Variants in WASHC5 observed in about 807,000 individuals in gnomAD.
WASHC5 encodes the protein WASH complex subunit 5.
A neutral mutation model predicts 150.4 loss-of-function variants in WASHC5; 101 were observed. The observed-to-expected ratio is 0.67, with a 90% CI of 0.57 to 0.79. The LOEUF (loss-of-function observed/expected upper bound fraction) is 0.79. Among genes scored for constraint, WASHC5 ranks in the 30% least tolerant of loss-of-function variants. The pLI is 0.00. For missense variants in WASHC5, 1,195 were observed against 1,396.3 expected, an observed-to-expected ratio of 0.86 and a Z score of 2.30; for synonymous variants, 467 against 491.2, an observed-to-expected ratio of 0.95 and a Z score of 0.65.
intron 28 of WASHC5, among the ~76,000 whole-genome samples, chr8:125,028,147 G>A (rs1815423303): frequency 6.6e-6 from 1 of 152,220 alleles, no homozygotes; most frequent in Non-Finnish European, 1.5e-5. Flanking sequence ...AATTACTAAT[G>A]AGAAAGGGAT....
In WASHC5 at chr8:125,043,909, A is replaced by G; in HGVS notation, c.2771-5T>C. 6.2e-7 allele frequency: 1 copy of G among 1,611,174 alleles called. No individual in the cohort carries two copies. The highest frequency in any genetic ancestry group is 8.5e-7 in the Non-Finnish European group (1 of 1,177,326). Reference sequence around the variant, plus strand: ...AATAAATTTTATTTGAATTTGCTGAAAAGTTAAAACATAATTTTCTCTTTA... The same window carrying G: ...AATAAATTTTATTTGAATTTGCTGAGAAGTTAAAACATAATTTTCTCTTTA... On this transcript the variant is annotated splice_polypyrimidine_tract_variant and splice_region_variant and intron_variant, in intron 22 of 28. Transcript: ENST00000318410.
chr8:125,073,868 C>T (rs1290509347), intron 8 of WASHC5, among the ~76,000 whole-genome samples: 1 of 152,154 alleles, frequency 6.6e-6, no homozygotes, highest in Non-Finnish European at 1.5e-5. Flanking sequence ...GGTGGTTCCT[C>T]AGAACTCTTC....
intron 27 of WASHC5, among the ~76,000 whole-genome samples, chr8:125,029,812 CT>C (rs1815476117): frequency 6.6e-6 from 1 of 152,176 alleles, no homozygotes; most frequent in South Asian, 2.1e-4. Flanking sequence ...TAACAAATAA[CT>C]TTTAGTACTA....
intron 10 of WASHC5, 94 bp downstream of exon 10, chr8:125,067,496 CAG>C: frequency 9.6e-7 from 1 of 1,046,072 alleles, no homozygotes; most frequent in Admixed American, 1.9e-5. Context: ...TACCTTGAAT[CAG>C]AGACAGAGCA....
At chr8:125,078,232 C>A (rs1817121589) in intron 6 of WASHC5, among the ~76,000 whole-genome samples, 2 of 152,172 alleles carry the variant, frequency 1.3e-5, no homozygotes, top group African/African-American at 4.8e-5. Context: ...CTTGCTCAGG[C>A]TGCCTCCTTT....
intron 7 of WASHC5, 138 bp downstream of exon 7, chr8:125,076,210 A>G (rs1817055045): frequency 1.3e-6 from 1 of 766,448 alleles, no homozygotes; most frequent in African/African-American, 1.7e-5. Context: ...AATTCTCAAT[A>G]CAGTTAGAGC....
chr8:125,063,524 T>A lies in WASHC5; in HGVS notation c.1406A>T (p.Asn469Ile), dbSNP rs1313787976. The A allele has an allele frequency of 5.0e-6, 8 of 1,613,304 alleles. No individual in the cohort carries two copies. Among genetic ancestry groups the A allele is most frequent in the Non-Finnish European group, 5.9e-6 (7 of 1,179,382 alleles). Residue 469 changes from asparagine (N) to isoleucine (I), a missense_variant and splice_region_variant, in exon 11 of 29, where the codon AAT becomes ATT. By Grantham distance (149) the Asn-to-Ile change is moderately radical (BLOSUM62 -3). Around this residue, in one of 3 missense-constraint regions of WASHC5, gnomAD observed 997 missense variants for 1,168.1 expected, o/e 0.85. Transcript: ENST00000318410. The stretch of plus-strand genomic sequence containing the variant: ...AGTATTTCCTCTTCAGTAATTACCA[T>A]TTTTCTCCACTCTGGTTAGGGGTTT... ...GVKPLTRVEK[N>I]ENLQAWFREI...
At chr8:125,078,976 T>C (rs1817151267) in intron 5 of WASHC5, 46 bp from the exon 6 acceptor site, 1 of 1,516,452 alleles carries the variant, frequency 6.6e-7, no homozygotes, top group Non-Finnish European at 9.2e-7. Flanking sequence ...AACACACATA[T>C]TAGAAACTGA....
At chr8:125,069,055 A>G (rs1374462656) in intron 9 of WASHC5, among the ~76,000 whole-genome samples, 1 of 152,234 alleles carries the variant, frequency 6.6e-6, no homozygotes, top group African/African-American at 2.4e-5. Flanking sequence ...CATGTTAGAC[A>G]CTTGGTTGCC....
intron 19 of WASHC5, among the ~76,000 whole-genome samples, chr8:125,047,830 G>GT (rs1221606225): frequency 6.6e-6 from 1 of 151,920 alleles, no homozygotes; most frequent in Admixed American, 6.6e-5. Context: ...GATTACAGGT[G>GT]TGAGTCACTG....
chr8:125,083,796 ACTCAGAGAGT>A lies in WASHC5; in HGVS notation c.93_102del (p.Arg31SerfsTer9), dbSNP rs1248382989. 5.0e-6 allele frequency: 8 copies of A among 1,613,812 alleles called. No individual in the cohort carries two copies. The Admixed American group carries it at 1.3e-4, about 27-fold the overall frequency. ...TTTAACCTGAACACAGCAGGAATAA[ACTCAGAGAGT>A]CTCAAAAGTTCAGCAATGATGGCAT... On this transcript the variant is annotated frameshift_variant, in exon 2 of 29. Transcript: ENST00000318410. LOFTEE classifies it high-confidence loss of function.
intron 18 of WASHC5, 65 bp downstream of exon 18, chr8:125,050,499 G>T: frequency 9.2e-7 from 1 of 1,091,914 alleles, no homozygotes; most frequent in Non-Finnish European, 1.4e-6. Context: ...GGTTAAAAAT[G>T]GCATTCTAGT....
chr8:125,024,277 C>A lies in WASHC5; in HGVS notation c.*340G>T, dbSNP rs932463563. Reference sequence around the variant, plus strand: ...GAGACGACTTTGGGTACTAGTAATACTATTTTACTGAAAATCTGGAGTTGC... The same window carrying A: ...GAGACGACTTTGGGTACTAGTAATAATATTTTACTGAAAATCTGGAGTTGC... On this transcript the variant is annotated 3_prime_UTR_variant, in exon 29 of 29. Coordinates refer to ENST00000318410, the MANE Select transcript of WASHC5 (RefSeq NM_014846.4). 3 of 348,142 alleles carry A rather than the reference C, an allele frequency of 8.6e-6. No homozygotes were observed. The highest frequency in any genetic ancestry group is 6.6e-5 in the East Asian group (1 of 15,072). 21.6% of individuals were successfully genotyped at this position (348,142 alleles called of 1,614,324 possible). A position where few individuals can be genotyped will look rare whatever the true frequency, so the allele number is the denominator to read the frequency against.
intron 10 of WASHC5, among the ~76,000 whole-genome samples, chr8:125,066,878 G>A (rs1029980081): frequency 1.3e-5 from 2 of 152,162 alleles, no homozygotes; most frequent in African/African-American, 4.8e-5. Flanking sequence ...CCCTTCCCCA[G>A]GCCCCTTCAG....
chr8:125,076,242 T>C lies in WASHC5; in HGVS notation c.864+106A>G, dbSNP rs1044626319. On this transcript the variant is annotated intron_variant, in intron 7 of 28. Coordinates refer to ENST00000318410, the MANE Select transcript of WASHC5 (RefSeq NM_014846.4). ...GAGCAAGTTTACCTAAGTGATGTTATGTCCCATTATTTACAACATTACAAC... is the reference window on the plus strand; with the variant it reads ...GAGCAAGTTTACCTAAGTGATGTTACGTCCCATTATTTACAACATTACAAC... 101 of 998,664 alleles carry C rather than the reference T, an allele frequency of 1.0e-4. No individual in the cohort carries two copies. In the African/African-American group the frequency reaches 1.5e-3, roughly 15 times the overall value. The allele number at this position is 998,664 out of a possible 1,614,324, so 61.9% of individuals were successfully genotyped here.
rs370833838 is a variant in WASHC5, at chr8:125,037,874, G to A, written c.3085-541C>T. Among the ~76,000 whole-genome samples, 10 of 152,292 alleles carry A rather than the reference G, an allele frequency of 6.6e-5. No individual in the cohort carries two copies. In the East Asian group the frequency reaches 1.9e-3, roughly 30 times the overall value. On this transcript the variant is annotated intron_variant, in intron 25 of 28. Coordinates refer to ENST00000318410, the MANE Select transcript of WASHC5 (RefSeq NM_014846.4). Reference sequence around the variant, plus strand: ...CACAGAGCAGTCTCCCAGATGTCACGGCAGAAACTACAGTCAGGGCGTACA... The same window carrying A: ...CACAGAGCAGTCTCCCAGATGTCACAGCAGAAACTACAGTCAGGGCGTACA...
At chr8:125,046,794 G>C (rs1816080877) in intron 20 of WASHC5, among the ~76,000 whole-genome samples, 2 of 152,058 alleles carry the variant, frequency 1.3e-5, no homozygotes, top group African/African-American at 4.8e-5. Flanking sequence ...GGGGGGCGGG[G>C]GAGAGATTAG....
chr8:125,049,043 T>C lies in WASHC5; in HGVS notation c.2342A>G (p.Asn781Ser). Residue 781 changes from asparagine (N) to serine (S), a missense_variant, in exon 19 of 29, where the codon AAC (asparagine) becomes AGC (serine). Coordinates refer to ENST00000318410, the MANE Select transcript of WASHC5 (RefSeq NM_014846.4). ...AAAGTTATTACACTCTTGCTCCACG[T>C]TGTAATTTATGATACGAGATACTTC... Reference protein sequence around the residue: ...QEEVSRIINYNVEQECNNFLR... With the variant: ...QEEVSRIINYSVEQECNNFLR... The C allele has an allele frequency of 6.2e-7, 1 of 1,613,692 alleles. No individual in the cohort carries two copies. The highest frequency in any genetic ancestry group is 8.5e-7 in the Non-Finnish European group (1 of 1,179,656).
chr8:125,036,041 A>C (rs1258022778), intron 26 of WASHC5, among the ~76,000 whole-genome samples: 3 of 152,240 alleles, frequency 2.0e-5, no homozygotes, highest in African/African-American at 7.2e-5. Context: ...AATTAGGGTT[A>C]TATTCCTGGA....
Sources: allele counts gnomAD v4.1 joint callset (sites outside exome capture counted in the v4.1 genomes callset), GRCh38; gene constraint gnomAD v4.1.1; regional missense constraint gnomAD v4.1.1; transcripts MANE v1.5; gene names NCBI Gene and HGNC (gene_info 2026-07-23, HGNC 2026-07-21).